DUSP22: variants seen among roughly 807,000 people sequenced by gnomAD.
DUSP22 encodes dual specificity phosphatase 22.
A neutral mutation model predicts 24.5 loss-of-function variants in DUSP22; 24 were observed. The ratio of observed to expected loss-of-function variants is 0.98; its 90% CI spans 0.71 to 1.38. The LOEUF is 1.38. DUSP22 is among the 40% of genes most tolerant of loss of function. The pLI is 0.00. For synonymous variants in DUSP22, 160 were observed against 106.4 expected, an observed-to-expected ratio of 1.50 and a Z score of -3.10; for missense variants, 330 against 269.2, an observed-to-expected ratio of 1.23 and a Z score of -1.58.
rs747475435 is a variant in DUSP22 at position 348,947 on chromosome 6, C to G, written c.614C>G (p.Thr205Ser). Residue 205 changes from threonine (T) to serine (S), a missense_variant, in exon 7 of 7, where the codon ACC becomes AGC. Coordinates refer to ENST00000419235, the MANE Select transcript of DUSP22 (RefSeq NM_001286555.3). ...PLTYDNYTTE[T>S] is the part of the protein sequence containing the mutation. ...ACCTACGATAATTATACGACGGAGACCTAACGCAAGCGACCTGCTGCCTTC... is the reference window on the plus strand; with the variant it reads ...ACCTACGATAATTATACGACGGAGAGCTAACGCAAGCGACCTGCTGCCTTC... 9 of 1,592,532 alleles carry G rather than the reference C, an allele frequency of 5.7e-6. No homozygotes were observed. The highest frequency in any genetic ancestry group is 6.8e-6 in the Non-Finnish European group (8 of 1,168,690).
chr6:298,499 G>T (rs1244401165), intron 1 of DUSP22, among the ~76,000 whole-genome samples: 3 of 152,416 alleles, frequency 2.0e-5, no homozygotes, highest in Non-Finnish European at 4.4e-5. Flanking sequence ...TAAAATAAAT[G>T]TTTAAAAAGT....
chr6:350,731 T>TATA lies in DUSP22; in HGVS notation c.*1782_*1783insAAT. 6.2e-7 allele frequency: 1 copy of TATA among 1,611,196 alleles called. No homozygotes were observed. The highest frequency in any genetic ancestry group is 8.5e-7 in the Non-Finnish European group (1 of 1,178,778). On this transcript the variant is annotated 3_prime_UTR_variant, in exon 7 of 7. Transcript: ENST00000419235. ...TTAGGATATAGCTTGAATGCTTAAA[T>TATA]ATGTGCACCTTTACAAACCTCTCAG...
chr6:315,051 G>A (rs815566), intron 3 of DUSP22, among the ~76,000 whole-genome samples: 218 of 152,338 alleles, frequency 1.4e-3, no homozygotes, highest in Admixed American at 3.9e-3. Context: ...TCTCTGATGC[G>A]TCTTGGGTGG....
intron 4 of DUSP22, among the ~76,000 whole-genome samples, chr6:336,707 G>A (rs376798799): frequency 8.2e-3 from 1,239 of 151,900 alleles, no homozygotes; most frequent in African/African-American, 0.028. Context: ...AAAGGTGAAC[G>A]TTTAAGATTG....
intron 4 of DUSP22, among the ~76,000 whole-genome samples, chr6:342,599 A>G (rs556887881): frequency 6.6e-6 from 1 of 152,424 alleles, no homozygotes; most frequent in African/African-American, 2.4e-5. Context: ...AGTTGCTGAT[A>G]TCAGGTAGCA....
At chr6:317,683 C>A (rs1349694140) in intron 3 of DUSP22, among the ~76,000 whole-genome samples, 1 of 152,304 alleles carries the variant, frequency 6.6e-6, no homozygotes, top group Non-Finnish European at 1.5e-5. Flanking sequence ...TGTTCATGGC[C>A]CACATCGGGC....
At chr6:341,211 T>A (rs1759591615) in intron 4 of DUSP22, among the ~76,000 whole-genome samples, 2 of 152,304 alleles carry the variant, frequency 1.3e-5, no homozygotes, top group South Asian at 4.1e-4. Context: ...TTGTGCAGCA[T>A]TCGCTGGCTC....
chr6:305,425 C>G (rs936442611), intron 2 of DUSP22, among the ~76,000 whole-genome samples: 1 of 152,308 alleles, frequency 6.6e-6, no homozygotes, highest in Non-Finnish European at 1.5e-5. Context: ...TTACAACTTT[C>G]ATTTTTTAGT....
In DUSP22 at chr6:311,860, T is replaced by A. The variant is rs1435856754; in HGVS notation, c.56-20T>A. 6.2e-7 allele frequency: 1 copy of A among 1,605,746 alleles called. No individual in the cohort carries two copies. On this transcript the variant is annotated intron_variant, in intron 2 of 6. Transcript: ENST00000419235. ...ACTTGCAAAGATATCAAAATGTCCA[T>A]CCCCTTTCTTCTCTGACAGATGCCA...
intron 1 of DUSP22, among the ~76,000 whole-genome samples, chr6:303,255 G>A (rs897640763): frequency 9.8e-5 from 15 of 152,292 alleles, no homozygotes; most frequent in Admixed American, 5.9e-4. Flanking sequence ...TTTCAAGATA[G>A]GAATGATAAA....
intron 3 of DUSP22, among the ~76,000 whole-genome samples, chr6:320,690 A>G (rs569195787): frequency 4.6e-5 from 7 of 152,390 alleles, no homozygotes; most frequent in African/African-American, 1.7e-4. Flanking sequence ...TTATAGGACT[A>G]GTGCGGTTTG....
chr6:308,364 A>C (rs1199491999), intron 2 of DUSP22, among the ~76,000 whole-genome samples: 2 of 152,304 alleles, frequency 1.3e-5, no homozygotes, highest in Non-Finnish European at 2.9e-5. Context: ...TTCCAGGACA[A>C]CCAATAGTGT....
intron 3 of DUSP22, among the ~76,000 whole-genome samples, chr6:317,298 G>A (rs1758378042): frequency 1.3e-5 from 2 of 152,306 alleles, no homozygotes; most frequent in African/African-American, 2.4e-5. Context: ...GAGGGACCCT[G>A]GTTTCCTGCC....
In DUSP22 at chr6:348,135, T is replaced by C. The variant is rs1241442401; in HGVS notation, c.296T>C (p.Val99Ala). 6 of 1,614,178 alleles carry C rather than the reference T, an allele frequency of 3.7e-6. No homozygotes were observed. Among genetic ancestry groups the C allele is most frequent in the Non-Finnish European group, 5.1e-6 (6 of 1,180,066 alleles). Reference protein sequence around the residue: ...LAGVSRSVTLVIAYIMTVTDF... With the variant: ...LAGVSRSVTLAIAYIMTVTDF... ...GGGGTCTCCAGGAGCGTGACACTGGTGATCGCATACATCATGACCGTCACT... is the reference window on the plus strand; with the variant it reads ...GGGGTCTCCAGGAGCGTGACACTGGCGATCGCATACATCATGACCGTCACT... Residue 99 changes from valine to alanine, a missense_variant, in exon 6 of 7, where the codon GTG (valine) becomes GCG (alanine). Transcript: ENST00000419235.
chr6:308,048 C>T (rs549556457), intron 2 of DUSP22, among the ~76,000 whole-genome samples: 33 of 152,128 alleles, frequency 2.2e-4, no homozygotes, highest in South Asian at 2.1e-4. Flanking sequence ...GGGAGGGGCC[C>T]GCTGGCACCG....
intron 1 of DUSP22, among the ~76,000 whole-genome samples, chr6:301,731 G>A (rs958918816): frequency 2.0e-5 from 3 of 152,288 alleles, no homozygotes; most frequent in Admixed American, 1.3e-4. Context: ...GTTTTCATTC[G>A]GGGTGACTGG....
intron 1 of DUSP22, among the ~76,000 whole-genome samples, chr6:296,738 C>T (rs1757349477): frequency 1.3e-5 from 2 of 152,304 alleles, no homozygotes; most frequent in Non-Finnish European, 1.5e-5. Flanking sequence ...AGAAGGCTGC[C>T]CCAAATGCTT....
In DUSP22 at chr6:349,070, C is replaced by CGAG; in HGVS notation, c.*121_*123dup. ...GGGAGATAGCCAGGGCGAGGTGGGG[C>CGAG]GAGGGCTCCTTCCCCCAAGCAACAC... On this transcript the variant is annotated 3_prime_UTR_variant, in exon 7 of 7. Transcript: ENST00000419235. 1 of 1,477,254 alleles carries CGAG rather than the reference C, an allele frequency of 6.8e-7. No homozygotes were observed. The highest frequency in any genetic ancestry group is 2.3e-5 in the Admixed American group (1 of 44,374). The allele number at this position is 1,477,254 out of a possible 1,614,324, so 91.5% of individuals were successfully genotyped here.
At chr6:299,818 G>A (rs572036185) in intron 1 of DUSP22, among the ~76,000 whole-genome samples, 6 of 152,424 alleles carry the variant, frequency 3.9e-5, no homozygotes, top group South Asian at 4.1e-4. Flanking sequence ...GCCGGGCACC[G>A]TTTCGCATGT....
Sources: gnomAD v4.1 joint callset for allele counts (sites outside exome capture counted in the v4.1 genomes callset) on GRCh38, gnomAD v4.1.1 for gene constraint, MANE v1.5 for transcripts, NCBI Gene and HGNC (gene_info 2026-07-23, HGNC 2026-07-21) for gene names.